SHANK2: variants seen among roughly 807,000 people sequenced by gnomAD.
SHANK2 encodes SH3 and multiple ankyrin repeat domains protein 2.
A neutral mutation model predicts 133.7 loss-of-function variants in SHANK2; 43 were observed. That is an observed-to-expected ratio of 0.32 (90% confidence interval 0.25 to 0.41). The LOEUF (loss-of-function observed/expected upper bound fraction) is 0.41. Among genes scored for constraint, SHANK2 ranks in the 10% least tolerant of loss-of-function variants. The pLI, the probability that SHANK2 is intolerant of heterozygous loss-of-function variation, is 1.00. For synonymous variants in SHANK2, 1,017 were observed against 952.8 expected (o/e 1.07, Z -1.24); for missense variants, 1,994 against 2,235.8 (o/e 0.89, Z 2.18).
At chr11:71,099,875 C>A (rs1951689087) in intron 6 of SHANK2, among the ~76,000 whole-genome samples, 1 of 151,890 alleles carries the variant, frequency 6.6e-6, no homozygotes, top group African/African-American at 2.4e-5. Flanking sequence ...AACATGAGGC[C>A]TCACCTCTAC....
chr11:70,914,509 A>G (rs1440898512), intron 10 of SHANK2, among the ~76,000 whole-genome samples: 1 of 151,468 alleles, frequency 6.6e-6, no homozygotes, highest in Admixed American at 6.6e-5. Flanking sequence ...GCAAACACAC[A>G]CAAGAGGCTG....
At position 70,698,751 on chromosome 11, in the gene SHANK2, T is replaced by A. The variant is rs1555022918; in HGVS notation, c.1790A>T (p.Asp597Val). The change falls in exon 15 of 26, where the codon GAC (aspartate) becomes GTC (valine). Residue 597 changes from aspartate (D) to valine (V), a missense_variant. By Grantham distance (152) the Asp-to-Val change is radical (BLOSUM62 -3). Around this residue, in one of 5 missense-constraint regions of SHANK2, gnomAD observed 653 missense variants for 563.4 expected, o/e 1.16. Transcript: ENST00000601538. ...GTGCCTGAAAAGCTTCTTGCTGCGG[T>A]CAGCGCGGGTTTCTGTACAGAGAGG... ...PRDSQAETRA[D>V]RSKKLFRHYT... 7.0e-6 allele frequency: 5 copies of A among 718,480 alleles called. No individual in the cohort carries two copies. In the African/African-American group the frequency reaches 8.7e-5, roughly 13 times the overall value. The allele number at this position is 718,480 out of a possible 1,614,324, so 44.5% of individuals were successfully genotyped here.
chr11:71,190,094 C>A (rs1555115140), intron 2 of SHANK2, among the ~76,000 whole-genome samples: 1 of 152,224 alleles, frequency 6.6e-6, no homozygotes, highest in East Asian at 1.9e-4. Flanking sequence ...GCAGAGACGT[C>A]CACCTGCAGG....
intron 17 of SHANK2, among the ~76,000 whole-genome samples, chr11:70,538,393 C>T (rs1554974551): frequency 2.0e-5 from 3 of 152,240 alleles, no homozygotes; most frequent in East Asian, 3.9e-4. Flanking sequence ...ACACTGCTTG[C>T]CAGGCCTCTT....
At position 71,224,215 on chromosome 11, in the gene SHANK2, T is replaced by C. The variant is rs117307537; in HGVS notation, c.-13+482A>G. Among the ~76,000 whole-genome samples, 1,230 of 152,310 alleles carry C rather than the reference T, an allele frequency of 8.1e-3. 20 individuals carry two copies. Among genetic ancestry groups the C allele is most frequent in the African/African-American group, 0.02 (818 of 41,574 alleles). Reference sequence around the variant, plus strand: ...TTTAAGCACATTACAGGTGAGGTGATACCAGCAAGGCACAGAGGAGGCGCT... The same window carrying C: ...TTTAAGCACATTACAGGTGAGGTGACACCAGCAAGGCACAGAGGAGGCGCT... On this transcript the variant is annotated intron_variant, in intron 2 of 25. Transcript: ENST00000601538.
intron 25 of SHANK2, among the ~76,000 whole-genome samples, chr11:70,482,589 C>T (rs2058749623): frequency 6.6e-6 from 1 of 152,224 alleles, no homozygotes. Flanking sequence ...CTTGTTCACA[C>T]AGTGGGAAAA....
intron 17 of SHANK2, among the ~76,000 whole-genome samples, chr11:70,562,385 CTTGTAG>C (rs1554981051): frequency 6.6e-6 from 1 of 152,158 alleles, no homozygotes; most frequent in Non-Finnish European, 1.5e-5. Context: ...AGTGATTATA[CTTGTAG>C]TTTTATTTAT....
chr11:70,545,768 G>A (rs1249280269), intron 17 of SHANK2, among the ~76,000 whole-genome samples: 4 of 152,304 alleles, frequency 2.6e-5, no homozygotes, highest in Middle Eastern at 3.4e-3. Flanking sequence ...CCCTGCGGGC[G>A]AAGGGCCCAG....
chr11:71,248,171 G>A (rs1555125292), intron 1 of SHANK2, among the ~76,000 whole-genome samples: 1 of 152,224 alleles, frequency 6.6e-6, no homozygotes, highest in Non-Finnish European at 1.5e-5. Context: ...GGGAAGGCTT[G>A]CATCAGAGGC....
chr11:71,228,283 A>G (rs1253863374), intron 1 of SHANK2, among the ~76,000 whole-genome samples: 1 of 152,234 alleles, frequency 6.6e-6, no homozygotes, highest in Non-Finnish European at 1.5e-5. Context: ...AGTTTTTTTG[A>G]GAAAAAGAAA....
chr11:71,090,179 T>TGTGC (rs1196865655), intron 8 of SHANK2, among the ~76,000 whole-genome samples: 3 of 142,798 alleles, frequency 2.1e-5, no homozygotes, highest in South Asian at 4.8e-4. Context: ...AACCTGTGTG[T>TGTGC]GTGTGTGTGT....
chr11:70,608,219 T>C (rs1447963417), intron 17 of SHANK2, among the ~76,000 whole-genome samples: 2 of 152,328 alleles, frequency 1.3e-5, no homozygotes, highest in East Asian at 3.9e-4. Context: ...GCGATCTCCC[T>C]GCCTTGGCCT....
intron 11 of SHANK2, among the ~76,000 whole-genome samples, chr11:70,840,873 A>C (rs1948892547): frequency 6.6e-6 from 1 of 152,216 alleles, no homozygotes; most frequent in Admixed American, 6.5e-5. Context: ...GGCCACCCCC[A>C]GCCATCAAGA....
At chr11:70,613,609 G>A (rs1199282598) in intron 17 of SHANK2, among the ~76,000 whole-genome samples, 4 of 152,154 alleles carry the variant, frequency 2.6e-5, no homozygotes, top group African/African-American at 9.7e-5. Context: ...AAAAAGAGGT[G>A]TGGAAGTCCT....
intron 25 of SHANK2, among the ~76,000 whole-genome samples, chr11:70,476,256 C>A (rs531829453): frequency 5.6e-4 from 85 of 152,122 alleles, no homozygotes; most frequent in South Asian, 8.3e-4. Context: ...AATAAAAAAA[C>A]CCCCAAAAAA....
chr11:71,104,186 G>A (rs1951768087), intron 6 of SHANK2, among the ~76,000 whole-genome samples: 1 of 152,134 alleles, frequency 6.6e-6, no homozygotes, highest in African/African-American at 2.4e-5. Flanking sequence ...ACCACCGTAG[G>A]TGTTATCATT....
In SHANK2 at chr11:70,485,485, T is replaced by C; in HGVS notation, c.4808A>G (p.Lys1603Arg). 6.2e-7 allele frequency: 1 copy of C among 1,613,812 alleles called. No homozygotes were observed. The change falls in exon 25 of 26, where the codon AAG becomes AGG. Residue 1603 changes from lysine (K) to arginine (R), a missense_variant. By Grantham distance (26) the Lys-to-Arg change is conservative (BLOSUM62 2). This residue lies in a region of SHANK2 where 797 missense variants were observed against 907.4 expected (regional missense o/e 0.88). Coordinates refer to ENST00000601538, the MANE Select transcript of SHANK2 (RefSeq NM_012309.5). This position sits in a 1 kb window ranked among gnomAD's most constrained non-coding sequence, Gnocchi z 5.8. ...GATCTCTGTGACGTCGCCCCACAAC[T>C]TGGAGGTCCTTGGCTGGAGAACCTT... ...MAKVLQPRTS[K>R]LWGDVTEIKS...
chr11:71,251,728 T>A (rs1440048743), intron 1 of SHANK2, among the ~76,000 whole-genome samples: 155 of 150,966 alleles, frequency 1.0e-3, no homozygotes, highest in African/African-American at 3.4e-3. Flanking sequence ...GGCACCCGGC[T>A]GTGGCTCAGC....
At chr11:70,687,074 C>T (rs782388837) in intron 15 of SHANK2, among the ~76,000 whole-genome samples, 22 of 152,206 alleles carry the variant, frequency 1.4e-4, no homozygotes, top group Non-Finnish European at 8.8e-5. Context: ...TTGTCTAAAG[C>T]GCATTCATTC....
Sources: gnomAD v4.1 joint callset for allele counts (sites outside exome capture counted in the v4.1 genomes callset) on GRCh38, gnomAD v4.1.1 for gene constraint, gnomAD v4.1.1 regional missense constraint, Gnocchi (gnomAD v3.1) non-coding constraint, MANE v1.5 for transcripts, NCBI Gene and HGNC (gene_info 2026-07-23, HGNC 2026-07-21) for gene names.